The following STK3 variants were observed in gnomAD, a reference collection of about 807,000 sequenced individuals.
The protein encoded by STK3 is serine/threonine kinase 3.
Under a neutral mutation model 58.0 loss-of-function variants are expected in STK3, and 41 were observed. The ratio of observed to expected loss-of-function variants is 0.71; its 90% CI spans 0.55 to 0.92. STK3 has a LOEUF of 0.92. Ranked by LOEUF, STK3 falls within the 40% of genes least tolerant of loss-of-function variation. The probability of loss-of-function intolerance (pLI) is 0.00; values close to 1 mark genes in which losing one functional copy is unlikely to be tolerated. For missense variants in STK3, 479 were observed against 602.7 expected, an observed-to-expected ratio of 0.79 and a Z score of 2.15; for synonymous variants, 170 against 191.0, an observed-to-expected ratio of 0.89 and a Z score of 0.91.
chr8:98,790,053 G>T (rs1002951397), intron 1 of STK3, among the ~76,000 whole-genome samples: 2 of 136,888 alleles, frequency 1.5e-5, no homozygotes, highest in Non-Finnish European at 3.1e-5. Flanking sequence ...AAAAAGTCCA[G>T]GACTAGAGAG....
At chr8:98,824,144 T>C (rs1018059080) in intron 1 of STK3, among the ~76,000 whole-genome samples, 3 of 152,238 alleles carry the variant, frequency 2.0e-5, no homozygotes, top group African/African-American at 7.2e-5. Context: ...ATCTTTCGCC[T>C]TCAAAAATGC....
At chr8:98,489,085 G>A (rs1338246941) in intron 10 of STK3, among the ~76,000 whole-genome samples, 1 of 152,102 alleles carries the variant, frequency 6.6e-6, no homozygotes, top group Non-Finnish European at 1.5e-5. Flanking sequence ...TCTCGATGCA[G>A]AAACTGATTT....
intron 7 of STK3, among the ~76,000 whole-genome samples, chr8:98,588,074 A>C (rs1814832168): frequency 6.6e-6 from 1 of 152,240 alleles, no homozygotes. Flanking sequence ...TGTGTGTTTT[A>C]ATTGGAGCAT....
Position 98,712,411 on chromosome 8 carries a change from T to C in STK3, c.352-5100A>G, listed in dbSNP as rs566734313. Among the ~76,000 whole-genome samples the C allele has an allele frequency of 2.2e-4, 34 of 151,916 alleles. 2 individuals are homozygous for C. In the South Asian group the frequency reaches 6.9e-3, roughly 31 times the overall value. On this transcript the variant is annotated intron_variant, in intron 4 of 10. Transcript: ENST00000419617. ...CCCATCTCACGAGCAGAGACACACA[T>C]AGGCTCAAAATAAAAGGATGGAGGA...
intron 6 of STK3, chr8:98,606,158 T>C (rs1816759315): frequency 6.6e-6 from 1 of 152,154 alleles, no homozygotes; most frequent in Non-Finnish European, 1.5e-5. Flanking sequence ...AAGAAGCTGT[T>C]ATCTCCATAA....
At chr8:98,610,015 C>G (rs1817069673) in intron 6 of STK3, among the ~76,000 whole-genome samples, 4 of 150,666 alleles carry the variant, frequency 2.7e-5, no homozygotes, top group Admixed American at 2.0e-4. Flanking sequence ...AAACTAATTG[C>G]ATGTATTATC....
intron 1 of STK3, among the ~76,000 whole-genome samples, chr8:98,784,650 G>T (rs189317674): frequency 7.8e-4 from 118 of 152,244 alleles, no homozygotes; most frequent in African/African-American, 2.8e-3. Context: ...GCTATTCAGA[G>T]CACCCCCTCA....
At position 98,608,662 on chromosome 8, in the gene STK3, G is replaced by A. The variant is rs560495460; in HGVS notation, c.685-12493C>T. Among the ~76,000 whole-genome samples, 5 of 152,286 alleles carry A rather than the reference G, an allele frequency of 3.3e-5. No individual in the cohort carries two copies. In the East Asian group the frequency reaches 7.7e-4, roughly 23 times the overall value. ...CATCCAGAAAAATGAAATTGGTAAT[G>A]TGTCTCCATTCTGTCCAAGAGGATG... On this transcript the variant is annotated intron_variant, in intron 6 of 10. Transcript: ENST00000419617.
intron 3 of STK3, chr8:98,413,477 C>T: frequency 1.7e-6 from 1 of 604,386 alleles, no homozygotes; most frequent in East Asian, 4.1e-5. Context: ...TCTGAAGTGG[C>T]TTCAGAATGT....
intron 1 of STK3, among the ~76,000 whole-genome samples, chr8:98,900,132 A>G (rs1400884710): frequency 1.3e-5 from 2 of 152,172 alleles, no homozygotes; most frequent in Non-Finnish European, 2.9e-5. Flanking sequence ...GCTGGAGTGC[A>G]GTGGTGCGAT....
chr8:98,373,827 C>G (rs1263251668), intron 2 of STK3, among the ~76,000 whole-genome samples: 2 of 152,130 alleles, frequency 1.3e-5, no homozygotes, highest in African/African-American at 4.8e-5. Flanking sequence ...GATCAGAAAA[C>G]CTAAGTGGCT....
chr8:98,875,078 T>C (rs1837520771), intron 3 of STK3, among the ~76,000 whole-genome samples: 1 of 152,206 alleles, frequency 6.6e-6, no homozygotes. Flanking sequence ...TAGAAGGCTT[T>C]AAACCCATAT....
At chr8:98,551,747 G>A (rs959537849) in intron 8 of STK3, among the ~76,000 whole-genome samples, 3 of 151,982 alleles carry the variant, frequency 2.0e-5, no homozygotes, top group African/African-American at 4.8e-5. Context: ...TTTACCCCCC[G>A]AATATGCACA....
chr8:98,495,128 TG>T (rs113723477), intron 10 of STK3, among the ~76,000 whole-genome samples: 5 of 152,320 alleles, frequency 3.3e-5, no homozygotes, highest in African/African-American at 1.2e-4. Flanking sequence ...AGGGATATTT[TG>T]CCCGTACATC....
intron 6 of STK3, chr8:98,597,936 C>A (rs1439017163): frequency 1.0e-6 from 1 of 984,864 alleles, no homozygotes; most frequent in Admixed American, 6.2e-5. Flanking sequence ...TGAGGCAGAA[C>A]CTAATAAGGC....
At chr8:98,526,279 T>C (rs149874534) in intron 10 of STK3, 2,879 of 152,222 alleles carry the variant, frequency 0.019, 62 homozygotes, top group Non-Finnish European at 0.028. Context: ...AGGACTATTA[T>C]TTCTGAGAAA....
At chr8:98,721,124 G>T (rs1250779753) in intron 4 of STK3, 1 of 984,974 alleles carries the variant, frequency 1.0e-6, no homozygotes, top group Non-Finnish European at 1.2e-6. Context: ...TTAATGGGTG[G>T]CTTTATGAGC....
At chr8:98,475,937 T>C (rs1266805037) in intron 10 of STK3, among the ~76,000 whole-genome samples, 1 of 152,224 alleles carries the variant, frequency 6.6e-6, no homozygotes. Flanking sequence ...TTTGTCATAA[T>C]CAAATACGGT....
intron 1 of STK3, among the ~76,000 whole-genome samples, chr8:98,795,129 T>TATATATATATATACAC (rs1288218080): frequency 6.3e-5 from 6 of 95,942 alleles, no homozygotes; most frequent in African/African-American, 2.1e-4. Flanking sequence ...TATATATATA[T>TATATATATATATACAC]ACATACTAGT....
Sources: allele counts gnomAD v4.1 joint callset (sites outside exome capture counted in the v4.1 genomes callset), GRCh38; gene constraint gnomAD v4.1.1; transcripts MANE v1.5; gene names NCBI Gene and HGNC (gene_info 2026-07-23, HGNC 2026-07-21).